Variants in MUSK observed in about 807,000 individuals in gnomAD.
MUSK encodes muscle, skeletal receptor tyrosine-protein kinase.
Under a neutral mutation model 88.7 loss-of-function variants are expected in MUSK, and 55 were observed. The ratio of observed to expected loss-of-function variants is 0.62; its 90% CI spans 0.50 to 0.78. MUSK has a LOEUF of 0.78. MUSK is among the 30% of genes least tolerant of loss of function. The pLI, the probability that MUSK is intolerant of heterozygous loss-of-function variation, is 0.00. For synonymous variants in MUSK, 387 were observed against 391.9 expected, an observed-to-expected ratio of 0.99 and a Z score of 0.15; for missense variants, 1,015 against 1,074.3, an observed-to-expected ratio of 0.94 and a Z score of 0.77.
chr9:110,787,953 C>T, intron 14 of MUSK, 115 bp downstream of exon 14: 1 of 1,226,138 alleles, frequency 8.2e-7, no homozygotes, highest in Non-Finnish European at 1.2e-6. Context: ...CGTTTCAGTT[C>T]CTTTTCAAAT....
At chr9:110,726,452 C>G (rs2076885262) in intron 5 of MUSK, among the ~76,000 whole-genome samples, 1 of 152,064 alleles carries the variant, frequency 6.6e-6, no homozygotes, top group African/African-American at 2.4e-5. Flanking sequence ...AAGTATAGTC[C>G]TGTATAGATC....
At chr9:110,692,873 G>C (rs935416085) in intron 3 of MUSK, among the ~76,000 whole-genome samples, 2 of 150,974 alleles carry the variant, frequency 1.3e-5, no homozygotes, top group African/African-American at 4.9e-5. Flanking sequence ...AATTGATTTT[G>C]TTTGGGTTCC....
At chr9:110,764,783 T>G (rs2077453619) in intron 8 of MUSK, among the ~76,000 whole-genome samples, 1 of 152,170 alleles carries the variant, frequency 6.6e-6, no homozygotes, top group African/African-American at 2.4e-5. Context: ...ATACTTTGTA[T>G]GTGTATGTTT....
rs2076210648 is a variant in MUSK, at chr9:110,687,283, G to A, written c.358+15G>A. The A allele has an allele frequency of 6.2e-7, 1 of 1,612,882 alleles. No homozygotes were observed. Among genetic ancestry groups the A allele is most frequent in the Admixed American group, 1.7e-5 (1 of 59,888 alleles). The stretch of plus-strand genomic sequence containing the variant: ...AGTGAAGATGAGTGAGTGGGAAACA[G>A]ATTCGTCTATTGATTTGAAAGTTGA... On this transcript the variant is annotated intron_variant, in intron 3 of 14. Transcript: ENST00000374448.
Position 110,800,317 on chromosome 9 carries a change from G to T in MUSK, c.1939G>T (p.Val647Phe). The change falls in exon 15 of 15, where the codon GTC (valine) becomes TTC (phenylalanine). Residue 647 changes from valine (V) to phenylalanine (F), a missense_variant. Transcript: ENST00000374448. ...TCTTTTGGTTCCAGGAGTGTGTGCTGTCGGGAAGCCAATGTGCCTGCTCTT... is the reference window on the plus strand; with the variant it reads ...TCTTTTGGTTCCAGGAGTGTGTGCTTTCGGGAAGCCAATGTGCCTGCTCTT... ...NIVKLLGVCAVGKPMCLLFEY... is the reference protein window; with the variant it reads ...NIVKLLGVCAFGKPMCLLFEY... 1.9e-6 allele frequency: 3 copies of T among 1,608,670 alleles called. No homozygotes were observed. Among genetic ancestry groups the T allele is most frequent in the Non-Finnish European group, 2.6e-6 (3 of 1,175,968 alleles).
rs1295974840 is a variant in MUSK, at chr9:110,804,493, T to C, written c.*3505T>C. On this transcript the variant is annotated 3_prime_UTR_variant, in exon 15 of 15. Transcript: ENST00000374448. ...CCTCTTTTTAATTTTATTTTTTAAA[T>C]TACTAGTCAGGTTGAATGTTTCTTG... 6.6e-6 allele frequency among the ~76,000 whole-genome samples: 1 copy of C among 152,046 alleles called. No individual in the cohort carries two copies. Among genetic ancestry groups the C allele is most frequent in the African/African-American group, 2.4e-5 (1 of 41,442 alleles).
intron 1 of MUSK, among the ~76,000 whole-genome samples, chr9:110,682,224 C>G (rs1418606305): frequency 6.6e-6 from 1 of 151,938 alleles, no homozygotes; most frequent in African/African-American, 2.4e-5. Flanking sequence ...TTATGAGTGT[C>G]TATTTTTATA....
In MUSK at chr9:110,803,089, A is replaced by C. The variant is rs1241187934; in HGVS notation, c.*2101A>C. ...TGTATGCTCTGCAAAATTCAAAGACAGCTTCGGGCTTTCTCCGCTGATAAA... is the reference window on the plus strand; with the variant it reads ...TGTATGCTCTGCAAAATTCAAAGACCGCTTCGGGCTTTCTCCGCTGATAAA... On this transcript the variant is annotated 3_prime_UTR_variant, in exon 15 of 15. Transcript: ENST00000374448. 6.6e-6 allele frequency among the ~76,000 whole-genome samples: 1 copy of C among 152,230 alleles called. No individual in the cohort carries two copies. The highest frequency in any genetic ancestry group is 1.5e-5 in the Non-Finnish European group (1 of 68,036).
chr9:110,755,965 CAT>C (rs370272693), intron 7 of MUSK, among the ~76,000 whole-genome samples: 17,911 of 80,556 alleles, frequency 0.22, 1,866 homozygotes, highest in East Asian at 0.36. Flanking sequence ...TATATATATA[CAT>C]ATATATATAT....
chr9:110,683,918 C>T (rs938715125), intron 2 of MUSK, among the ~76,000 whole-genome samples: 20 of 151,992 alleles, frequency 1.3e-4, no homozygotes, highest in African/African-American at 4.3e-4. Context: ...TATTTCCTCC[C>T]ATTCTATTTG....
intron 14 of MUSK, among the ~76,000 whole-genome samples, chr9:110,789,928 G>T (rs1273528029): frequency 6.6e-6 from 1 of 152,226 alleles, no homozygotes; most frequent in African/African-American, 2.4e-5. Flanking sequence ...AGTACACAGA[G>T]TATTTAAAGC....
At position 110,756,352 on chromosome 9, in the gene MUSK, C is replaced by A. The variant is rs1587997680; in HGVS notation, c.914-5850C>A. On this transcript the variant is annotated intron_variant, in intron 7 of 14. Coordinates refer to ENST00000374448, the MANE Select transcript of MUSK (RefSeq NM_005592.4). The stretch of plus-strand genomic sequence containing the variant: ...TCTCAATCCCTATTGAGGTAACCTG[C>A]AATTGCTTATGACTGGGGTTCTTTG... 2.0e-5 allele frequency among the ~76,000 whole-genome samples: 3 copies of A among 151,976 alleles called. No individual in the cohort carries two copies. In the East Asian group the frequency reaches 5.8e-4, roughly 29 times the overall value.
chr9:110,774,866 TACACACACACACAC>T (rs368896303), intron 9 of MUSK, among the ~76,000 whole-genome samples: 1 of 138,944 alleles, frequency 7.2e-6, no homozygotes, highest in East Asian at 2.1e-4. Flanking sequence ...GGCATATATA[TACACACACACACAC>T]ACACACACAC....
intron 1 of MUSK, among the ~76,000 whole-genome samples, chr9:110,669,581 GT>G (rs1329241848): frequency 2.6e-5 from 4 of 152,124 alleles, no homozygotes; most frequent in Non-Finnish European, 5.9e-5. Context: ...GACTGCAAAA[GT>G]TTTTTTCAGA....
intron 14 of MUSK, among the ~76,000 whole-genome samples, chr9:110,798,391 C>A (rs1194968695): frequency 6.6e-6 from 1 of 152,066 alleles, no homozygotes; most frequent in Non-Finnish European, 1.5e-5. Context: ...AAGAAATATG[C>A]AGAATTTTAG....
At chr9:110,768,117 C>A in intron 9 of MUSK, 34 bp downstream of exon 9, 2 of 1,563,590 alleles carry the variant, frequency 1.3e-6, no homozygotes, top group South Asian at 1.2e-5. Context: ...AGGAAAAATT[C>A]CATTTTTCTA....
intron 5 of MUSK, 56 bp downstream of exon 5, chr9:110,697,522 G>T: frequency 6.4e-7 from 1 of 1,555,232 alleles, no homozygotes; most frequent in Non-Finnish European, 8.7e-7. Context: ...ACTGTCTACT[G>T]TGAAGGCTGC....
intron 7 of MUSK, among the ~76,000 whole-genome samples, chr9:110,751,460 C>T (rs2077246601): frequency 6.6e-6 from 1 of 152,074 alleles, no homozygotes; most frequent in Admixed American, 6.6e-5. Context: ...GTGGAATTTG[C>T]ATGGGGGAAG....
intron 5 of MUSK, among the ~76,000 whole-genome samples, chr9:110,709,730 T>G (rs2076644272): frequency 6.6e-6 from 1 of 152,198 alleles, no homozygotes; most frequent in African/African-American, 2.4e-5. Flanking sequence ...TGGCAAAAAC[T>G]AAATTTTTAT....
Sources: allele counts gnomAD v4.1 joint callset (sites outside exome capture counted in the v4.1 genomes callset), GRCh38; gene constraint gnomAD v4.1.1; transcripts MANE v1.5; gene names NCBI Gene and HGNC (gene_info 2026-07-23, HGNC 2026-07-21).